HMCN2: variants seen among roughly 807,000 people sequenced by gnomAD.
HMCN2 encodes hemicentin-2.
In HMCN2, 325 loss-of-function variants were observed where a neutral mutation model predicts 377.5. The observed-to-expected ratio is 0.86, with a 90% CI of 0.79 to 0.94. The LOEUF is 0.94. HMCN2 is among the 40% of genes least tolerant of loss of function. The pLI, the probability that HMCN2 is intolerant of heterozygous loss-of-function variation, is 0.00. For missense variants in HMCN2, 4,543 were observed against 4,725.3 expected (o/e 0.96, Z 1.13); for synonymous variants, 2,007 against 2,046.8 (o/e 0.98, Z 0.53).
chr9:130,330,720 G>C (rs1838381895), intron 22 of HMCN2, among the ~76,000 whole-genome samples: 2 of 152,040 alleles, frequency 1.3e-5, no homozygotes, highest in Admixed American at 1.3e-4. Context: ...TCCTTGTAGG[G>C]GCTGTTCTAA....
Position 130,376,515 on chromosome 9 carries a change from G to T in HMCN2, c.7919-1G>T, listed in dbSNP as rs970740620. 4.1e-6 allele frequency: 4 copies of T among 985,672 alleles called. No homozygotes were observed. Among genetic ancestry groups the T allele is most frequent in the Non-Finnish European group, 3.6e-6 (3 of 829,960 alleles). The allele number at this position is 985,672 out of a possible 1,614,324, so 61.1% of individuals were successfully genotyped here. ...GCTCTCAGACCCCTCGTGCTTTTCA[G>T]TCCCCCCTTCCATCTCCAAAGACGA... On this transcript the variant is annotated splice_acceptor_variant, in intron 51 of 97. Coordinates refer to ENST00000683500, the MANE Select transcript of HMCN2 (RefSeq NM_001291815.2). LOFTEE classifies it high-confidence loss of function.
In HMCN2 at chr9:130,425,764, C is replaced by A; in HGVS notation, c.13719C>A (p.Gly4573=). 1 of 1,550,604 alleles carries A rather than the reference C, an allele frequency of 6.4e-7. No individual in the cohort carries two copies. The highest frequency in any genetic ancestry group is 1.4e-5 in the African/African-American group (1 of 73,150). ...VGSTQRFFQG[G]LPSFLRCNHS... Reference sequence around the variant, plus strand: ...CCACACAGCGCTTCTTCCAGGGCGGCCTCCCCTCGTTCCTACGCTGCAACC... The same window carrying A: ...CCACACAGCGCTTCTTCCAGGGCGGACTCCCCTCGTTCCTACGCTGCAACC... Residue 4573 remains glycine (G), a synonymous_variant, in exon 90 of 98, where the codon GGC becomes GGA. Coordinates refer to ENST00000683500, the MANE Select transcript of HMCN2 (RefSeq NM_001291815.2).
At chr9:130,319,859 C>T (rs1168095620) in intron 16 of HMCN2, among the ~76,000 whole-genome samples, 164 bp downstream of exon 16, 2 of 152,052 alleles carry the variant, frequency 1.3e-5, no homozygotes, top group Non-Finnish European at 2.9e-5. Context: ...CTGGCCAAGT[C>T]ATTCCACTAC....
At chr9:130,322,622 A>G (rs1243449328) in intron 19 of HMCN2, among the ~76,000 whole-genome samples, 1 of 152,146 alleles carries the variant, frequency 6.6e-6, no homozygotes, top group Non-Finnish European at 1.5e-5. Flanking sequence ...CCCGGGTATG[A>G]ACAGCCTCGT....
chr9:130,373,194 T>G, intron 48 of HMCN2, 70 bp downstream of exon 48: 1 of 542,108 alleles, frequency 1.8e-6, no homozygotes, highest in Non-Finnish European at 2.4e-6. Context: ...AGGGGATCCC[T>G]GGGGATCTGC....
Position 130,384,432 on chromosome 9 carries a change from G to T in HMCN2, c.8890G>T (p.Val2964Phe), listed in dbSNP as rs542290648. ...EQVTAILNSS[V>F]SLPCDVHAHP... The stretch of plus-strand genomic sequence containing the variant: ...GGTCACTGCCATCCTCAACAGCAGC[G>T]TCTCCCTCCCTTGCGACGTCCACGC... The change falls in exon 58 of 98, where the codon GTC becomes TTC. Residue 2964 changes from valine to phenylalanine, a missense_variant. By Grantham distance (50) the Val-to-Phe change is conservative. Transcript: ENST00000683500. The T allele has an allele frequency of 1.0e-5, 13 of 1,303,978 alleles. No individual in the cohort carries two copies. The highest frequency in any genetic ancestry group is 1.2e-5 in the Non-Finnish European group (12 of 988,934). 80.8% of individuals were successfully genotyped at this position (1,303,978 alleles called of 1,614,324 possible).
rs568960696 is a variant in HMCN2 at position 130,303,532 on chromosome 9, C to T, written c.1467C>T (p.Ala489=). The change falls in exon 10 of 98, where the codon GCC becomes GCT. Residue 489 remains alanine (A), a synonymous_variant. Transcript: ENST00000683500. The surrounding 1 kb of genome is among the most constrained non-coding windows in gnomAD (Gnocchi z 5.2). ...SSWEILRASK[A]EEGTYECTAV... ...GGGAGATCCTGCGGGCCTCCAAGGC[C>T]GAGGAGGGCACGTACGAGTGCACAG... The T allele has an allele frequency of 1.9e-4, 84 of 435,810 alleles. 1 individual carries two copies. Among genetic ancestry groups the T allele is most frequent in the South Asian group, 1.3e-3 (80 of 59,904 alleles). The allele number at this position is 435,810 out of a possible 1,614,324, so 27.0% of individuals were successfully genotyped here.
chr9:130,277,989 GATCATCACCACCACCACCATC>G (rs1376905682), intron 1 of HMCN2, among the ~76,000 whole-genome samples: 2 of 13,272 alleles, frequency 1.5e-4, no homozygotes, highest in Non-Finnish European at 2.6e-4. Flanking sequence ...CCACCACCAC[GATCATCACCACCACCACCATC>G]ATCATCACCA....
chr9:130,391,838 C>G, intron 65 of HMCN2, 97 bp from the exon 66 acceptor site: 1 of 769,630 alleles, frequency 1.3e-6, no homozygotes, highest in Non-Finnish European at 1.6e-6. Context: ...TTGCTGGCGG[C>G]AGAAGTCCAG....
intron 1 of HMCN2, among the ~76,000 whole-genome samples, chr9:130,280,394 G>A (rs1215688440): frequency 2.0e-5 from 3 of 150,336 alleles, no homozygotes; most frequent in Admixed American, 6.6e-5. Flanking sequence ...GGATGGTCTC[G>A]ATCTCCTGAC....
rs1488967122 is a variant in HMCN2, at chr9:130,430,223, G to A, written c.14327-61G>A. On this transcript the variant is annotated intron_variant, in intron 94 of 97. Transcript: ENST00000683500. ...AGAGAGAAGGCAGGGCCAGGCAATGGCTGCAGGCTGCAGGGGAACCTGGGC... is the reference window on the plus strand; with the variant it reads ...AGAGAGAAGGCAGGGCCAGGCAATGACTGCAGGCTGCAGGGGAACCTGGGC... 12 of 1,355,348 alleles carry A rather than the reference G, an allele frequency of 8.9e-6. No homozygotes were observed. In the South Asian group the frequency reaches 1.7e-4, roughly 19 times the overall value. The allele number at this position is 1,355,348 out of a possible 1,614,324, so 84.0% of individuals were successfully genotyped here.
chr9:130,392,790 A>C (rs1261862892), intron 66 of HMCN2, among the ~76,000 whole-genome samples: 1 of 152,082 alleles, frequency 6.6e-6, no homozygotes, highest in South Asian at 2.1e-4. Context: ...AGGTCAGGAG[A>C]TCAAGACCAT....
chr9:130,330,541 G>A (rs1190047431), intron 22 of HMCN2, among the ~76,000 whole-genome samples: 2 of 152,032 alleles, frequency 1.3e-5, no homozygotes, highest in East Asian at 1.9e-4. Flanking sequence ...ACACATAGAC[G>A]CACGCACAGG....
intron 15 of HMCN2, among the ~76,000 whole-genome samples, chr9:130,315,552 C>T (rs946763319): frequency 1.3e-5 from 2 of 150,766 alleles, no homozygotes; most frequent in African/African-American, 2.4e-5. Context: ...GAGGCAGCAG[C>T]CACACTGGGC....
intron 95 of HMCN2, chr9:130,431,108 C>A: frequency 1.8e-6 from 1 of 557,656 alleles, no homozygotes; most frequent in Non-Finnish European, 3.2e-6. Context: ...CCCGCCTGGA[C>A]GGAGGGGTCT....
chr9:130,322,363 CATCT>C (rs1837904693), intron 19 of HMCN2, among the ~76,000 whole-genome samples: 6 of 148,712 alleles, frequency 4.0e-5, no homozygotes, highest in African/African-American at 1.2e-4. Flanking sequence ...TCTATCTATC[CATCT>C]GTCTATCTAT....
intron 54 of HMCN2, 30 bp downstream of exon 54, chr9:130,379,497 C>T (rs558073924): frequency 6.9e-5 from 66 of 953,776 alleles, no homozygotes; most frequent in African/African-American, 1.6e-4. Flanking sequence ...AGAAAGTGGG[C>T]GCTTTGAGCT....
chr9:130,389,971 T>C (rs886312629), intron 62 of HMCN2, among the ~76,000 whole-genome samples: 1 of 152,260 alleles, frequency 6.6e-6, no homozygotes, highest in Admixed American at 6.5e-5. Context: ...GTGCATCCAC[T>C]GGTCAGTTGA....
In HMCN2 at chr9:130,393,789, G is replaced by A; in HGVS notation, c.10282G>A (p.Val3428Ile). 7.8e-7 allele frequency: 1 copy of A among 1,284,138 alleles called. No homozygotes were observed. Among genetic ancestry groups the A allele is most frequent in the Non-Finnish European group, 1.0e-6 (1 of 986,066 alleles). The allele number at this position is 1,284,138 out of a possible 1,614,324, so 79.5% of individuals were successfully genotyped here. Residue 3428 changes from valine (V) to isoleucine (I), a missense_variant, in exon 68 of 98, where the codon GTT (valine) becomes ATT (isoleucine). Physicochemically the swap from Val to Ile is conservative, Grantham distance 29. Coordinates refer to ENST00000683500, the MANE Select transcript of HMCN2 (RefSeq NM_001291815.2). This position sits in a 1 kb window ranked among gnomAD's most constrained non-coding sequence, Gnocchi z 5.2. ...GGAGTTCCAGAATGACGTGGTGGTGGTTCGTGGCTCCCTGGTGGAACTCCC... is the reference window on the plus strand; with the variant it reads ...GGAGTTCCAGAATGACGTGGTGGTGATTCGTGGCTCCCTGGTGGAACTCCC... ...PVEFQNDVVV[V>I]RGSLVELPCE...
Sources: gnomAD v4.1 joint callset for allele counts (sites outside exome capture counted in the v4.1 genomes callset) on GRCh38, gnomAD v4.1.1 for gene constraint, Gnocchi (gnomAD v3.1) non-coding constraint, MANE v1.5 for transcripts, NCBI Gene and HGNC (gene_info 2026-07-23, HGNC 2026-07-21) for gene names.